Variants in ASIP observed in about 807,000 individuals in gnomAD.
The protein encoded by ASIP is agouti signaling protein.
A neutral mutation model predicts 10.3 loss-of-function variants in ASIP; 11 were observed. The ratio of observed to expected loss-of-function variants is 1.07; its 90% CI spans 0.68 to 1.78. ASIP has a LOEUF of 1.78. ASIP is among the 40% of genes most tolerant of loss of function. ASIP has a pLI of 0.00. For missense variants in ASIP, 180 were observed against 169.2 expected (o/e 1.06, Z -0.35); for synonymous variants, 70 against 70.8 (o/e 0.99, Z 0.06).
chr20:34,201,112 C>G (rs1215891348), intron 1 of ASIP, among the ~76,000 whole-genome samples: 3 of 149,736 alleles, frequency 2.0e-5, no homozygotes, highest in African/African-American at 4.9e-5. Flanking sequence ...AAGTATACTT[C>G]TAAGTTAGAG....
At chr20:34,243,440 GTGT>G (rs1369928053) in intron 1 of ASIP, among the ~76,000 whole-genome samples, 1 of 152,300 alleles carries the variant, frequency 6.6e-6, no homozygotes, top group East Asian at 1.9e-4. Context: ...AATAATTTTA[GTGT>G]TGTTAAGAAA....
intron 3 of ASIP, among the ~76,000 whole-genome samples, chr20:34,267,654 C>T (rs1187669580): frequency 6.6e-6 from 1 of 151,958 alleles, no homozygotes; most frequent in East Asian, 1.9e-4. Context: ...GCCTCAGCCT[C>T]CCGGGAGTAG....
chr20:34,227,793 GA>G (rs2035103033), intron 1 of ASIP, among the ~76,000 whole-genome samples: 1 of 152,138 alleles, frequency 6.6e-6, no homozygotes, highest in Admixed American at 6.6e-5. Flanking sequence ...AATTCATGTG[GA>G]AATACAAAGG....
intron 1 of ASIP, among the ~76,000 whole-genome samples, chr20:34,220,311 C>T (rs915852203): frequency 7.2e-5 from 11 of 152,054 alleles, no homozygotes; most frequent in African/African-American, 2.6e-4. Context: ...AAAGTAAGCA[C>T]AGGGGCCGGG....
chr20:34,201,177 AG>A (rs1036738348), intron 1 of ASIP, among the ~76,000 whole-genome samples: 3 of 152,042 alleles, frequency 2.0e-5, no homozygotes, highest in Non-Finnish European at 4.4e-5. Context: ...GAATATAGAC[AG>A]GCACCCAAGA....
upstream of ASIP, among the ~76,000 whole-genome samples, chr20:34,191,534 A>G (rs1394493377): frequency 6.6e-6 from 1 of 152,192 alleles, no homozygotes; most frequent in East Asian, 1.9e-4. Flanking sequence ...CCATGCCTCA[A>G]AGCCAGGCTC....
intron 1 of ASIP, among the ~76,000 whole-genome samples, chr20:34,256,863 C>T (rs1339193035): frequency 1.3e-5 from 2 of 152,048 alleles, no homozygotes; most frequent in Non-Finnish European, 2.9e-5. Context: ...TCACTGTAGC[C>T]TCAACTTCCT....
Position 34,269,194 on chromosome 20 carries a change from G to T in ASIP, c.*27G>T, listed in dbSNP as rs1161986801. The stretch of plus-strand genomic sequence containing the variant: ...CGCCCCCACTCCCGGCCGCGAGCAG[G>T]CAGGGCTTCGGGGACGCGGGGCGCT... On this transcript the variant is annotated 3_prime_UTR_variant, in exon 4 of 4. Transcript: ENST00000374954. 1 of 1,471,088 alleles carries T rather than the reference G, an allele frequency of 6.8e-7. No homozygotes were observed. The highest frequency in any genetic ancestry group is 2.6e-5 in the East Asian group (1 of 38,200). The allele number at this position is 1,471,088 out of a possible 1,614,324, so 91.1% of individuals were successfully genotyped here.
At chr20:34,217,253 C>T (rs2035014801) in intron 1 of ASIP, among the ~76,000 whole-genome samples, 1 of 151,922 alleles carries the variant, frequency 6.6e-6, no homozygotes, top group Non-Finnish European at 1.5e-5. Flanking sequence ...GCCTGGGCAA[C>T]ATGGCAAAAC....
At chr20:34,217,049 T>C (rs2035013373) in intron 1 of ASIP, among the ~76,000 whole-genome samples, 1 of 152,158 alleles carries the variant, frequency 6.6e-6, no homozygotes, top group South Asian at 2.1e-4. Context: ...AGTAAGTGTC[T>C]GAGGAAGTCA....
Position 34,260,421 on chromosome 20 carries a change from G to A in ASIP, c.47G>A (p.Cys16Tyr), listed in dbSNP as rs1252170421. The stretch of plus-strand genomic sequence containing the variant: ...CTGGCCACCCTGCTGGTCTTCCTCT[G>A]CTTCTTCACTGCCAACAGCCACCTG... ...LLLATLLVFLCFFTANSHLPP... is the reference protein window; with the variant it reads ...LLLATLLVFLYFFTANSHLPP... The change falls in exon 2 of 4, where the codon TGC becomes TAC. Residue 16 changes from cysteine to tyrosine, a missense_variant. Coordinates refer to ENST00000374954, the MANE Select transcript of ASIP (RefSeq NM_001672.3). 6.2e-7 allele frequency: 1 copy of A among 1,614,108 alleles called. No homozygotes were observed.
chr20:34,197,627 T>C (rs1344854606), intron 1 of ASIP, among the ~76,000 whole-genome samples: 3 of 152,206 alleles, frequency 2.0e-5, no homozygotes, highest in Non-Finnish European at 4.4e-5. Context: ...TTAAAGCAGA[T>C]ACCTAGTCCT....
rs1491033081 is a variant in ASIP, at chr20:34,235,842, AAG to A, written c.-10-24522_-10-24521del. The stretch of plus-strand genomic sequence containing the variant: ...GAAAGAAAGAAAGAAAGAAAGAAAG[AAG>A]GAAGGAAGGAAGGAAGGAAGGAAAG... On this transcript the variant is annotated intron_variant, in intron 1 of 3. Transcript: ENST00000568305. Among the ~76,000 whole-genome samples the A allele has an allele frequency of 3.5e-4, 13 of 37,316 alleles. No homozygotes were observed. In the African/African-American group the frequency reaches 4.3e-3, roughly 12 times the overall value. The allele number at this position is 37,316 out of a possible 152,430, so 24.5% of individuals were successfully genotyped here.
At chr20:34,228,132 C>CAAAAGAAAACATAGAAGAAA (rs1245929976) in intron 1 of ASIP, among the ~76,000 whole-genome samples, 2 of 5,696 alleles carry the variant, frequency 3.5e-4, no homozygotes, top group Admixed American at 5.9e-3. Context: ...ATAGAACTTT[C>CAAAAGAAAACATAGAAGAAA]TTTTTTTTTT....
chr20:34,253,388 G>A (rs1333738144), intron 1 of ASIP, among the ~76,000 whole-genome samples: 2 of 151,696 alleles, frequency 1.3e-5, no homozygotes, highest in Middle Eastern at 3.4e-3. Context: ...TTACGGGCGT[G>A]AGCCACCGCG....
chr20:34,226,038 C>T (rs1289412748), intron 1 of ASIP, among the ~76,000 whole-genome samples: 1 of 151,112 alleles, frequency 6.6e-6, no homozygotes. Flanking sequence ...GGATTACAGG[C>T]ATGTGCCACC....
intron 1 of ASIP, chr20:34,215,995 G>T: frequency 2.8e-6 from 2 of 718,604 alleles, no homozygotes; most frequent in South Asian, 1.4e-5. Context: ...CCGCCTCCCA[G>T]CCTGAACTCC....
chr20:34,220,732 A>G (rs745643437), intron 1 of ASIP, among the ~76,000 whole-genome samples: 3 of 152,178 alleles, frequency 2.0e-5, no homozygotes, highest in Non-Finnish European at 4.4e-5. Flanking sequence ...TTCATTTGAC[A>G]TGCTTAGCAC....
At chr20:34,243,612 AATAC>A (rs1335915096) in intron 1 of ASIP, among the ~76,000 whole-genome samples, 1 of 152,138 alleles carries the variant, frequency 6.6e-6, no homozygotes, top group East Asian at 1.9e-4. Flanking sequence ...GCACCAACAG[AATAC>A]ATATGTAACA....
Sources: allele counts gnomAD v4.1 joint callset (sites outside exome capture counted in the v4.1 genomes callset), GRCh38; gene constraint gnomAD v4.1.1; transcripts MANE v1.5; gene names NCBI Gene and HGNC (gene_info 2026-07-23, HGNC 2026-07-21).